Variants in SOX6 observed in about 807,000 individuals in gnomAD.
SOX6 encodes the protein transcription factor SOX-6.
Under a neutral mutation model 97.8 loss-of-function variants are expected in SOX6, and 11 were observed. The observed-to-expected ratio is 0.11, with a 90% CI of 0.07 to 0.19. SOX6 has a LOEUF of 0.19. SOX6 is among the 10% of genes least tolerant of loss of function. The probability of loss-of-function intolerance (pLI) is 1.00; values close to 1 mark genes in which losing one functional copy is unlikely to be tolerated. For synonymous variants in SOX6, 360 were observed against 371.4 expected (o/e 0.97, Z 0.35); for missense variants, 810 against 1,039.5 (o/e 0.78, Z 3.04).
At chr11:16,529,321 A>G (rs944257876) in intron 4 of SOX6, among the ~76,000 whole-genome samples, 2 of 152,132 alleles carry the variant, frequency 1.3e-5, no homozygotes, top group Non-Finnish European at 2.9e-5. Context: ...CCTCCAAGCC[A>G]GATAGCCAGA....
chr11:16,188,242 A>G (rs1006130307), intron 4 of SOX6, among the ~76,000 whole-genome samples: 4 of 151,608 alleles, frequency 2.6e-5, no homozygotes, highest in African/African-American at 9.7e-5. Context: ...AAAAAAAAAA[A>G]AAAAGAAAAG....
chr11:16,501,281 C>T (rs1860702104), intron 4 of SOX6, among the ~76,000 whole-genome samples: 1 of 152,170 alleles, frequency 6.6e-6, no homozygotes, highest in African/African-American at 2.4e-5. Context: ...AACTGGATCC[C>T]TTCCTTACAC....
intron 2 of SOX6, among the ~76,000 whole-genome samples, chr11:16,340,447 A>G (rs531276198): frequency 6.6e-5 from 10 of 152,174 alleles, no homozygotes; most frequent in East Asian, 1.9e-4. Context: ...TGTGGTTTCT[A>G]CTTTTTGAGA....
intron 12 of SOX6, among the ~76,000 whole-genome samples, chr11:16,016,620 C>T (rs1456235843): frequency 6.6e-6 from 1 of 152,068 alleles, no homozygotes; most frequent in Non-Finnish European, 1.5e-5. Context: ...GTGGGAGCTT[C>T]AGACGCAGTC....
At chr11:16,142,869 G>A (rs1020132062) in intron 6 of SOX6, among the ~76,000 whole-genome samples, 22 of 152,118 alleles carry the variant, frequency 1.4e-4, no homozygotes, top group South Asian at 1.0e-3. Context: ...GCAAATCTAC[G>A]TCTGATTGGT....
chr11:16,328,241 G>A (rs575433925), intron 2 of SOX6, among the ~76,000 whole-genome samples: 3 of 152,012 alleles, frequency 2.0e-5, no homozygotes, highest in South Asian at 2.1e-4. Context: ...TTCCTAAGAC[G>A]TTCTATGGTT....
At chr11:16,720,669 T>G (rs1848254073) in intron 2 of SOX6, among the ~76,000 whole-genome samples, 1 of 147,222 alleles carries the variant, frequency 6.8e-6, no homozygotes, top group Admixed American at 7.0e-5. Flanking sequence ...ATTGTGCACA[T>G]GTACCCTAAA....
rs1030778697 is a variant in SOX6, at chr11:16,731,947, T to A, written n.353+4392A>T. The stretch of plus-strand genomic sequence containing the variant: ...AATCACAAGCATTCCTATACACCAA[T>A]AATAGACAGAGAGCCAAATCATGAG... On this transcript the variant is annotated intron_variant and non_coding_transcript_variant, in intron 2 of 5. Coordinates refer to the SOX6 transcript ENST00000524520. Among the ~76,000 whole-genome samples the A allele has an allele frequency of 2.0e-5, 3 of 151,708 alleles. No individual in the cohort carries two copies. The East Asian group carries it at 5.8e-4, about 29-fold the overall frequency.
At chr11:16,136,304 T>C (rs893875136) in intron 6 of SOX6, among the ~76,000 whole-genome samples, 5 of 151,406 alleles carry the variant, frequency 3.3e-5, no homozygotes, top group African/African-American at 9.7e-5. Context: ...TTTAGCAATA[T>C]AGTATTTTTG....
chr11:16,501,052 T>C (rs140223098), intron 4 of SOX6, among the ~76,000 whole-genome samples: 6,714 of 152,248 alleles, frequency 0.044, 239 homozygotes, highest in Middle Eastern at 0.11. Context: ...CTACCTGACT[T>C]CAAACTATAC....
In SOX6 at chr11:16,149,040, TG is replaced by T. The variant is rs1338317386; in HGVS notation, c.777+34845del. The stretch of plus-strand genomic sequence containing the variant: ...GAAAGTCATTTTGTTGGTTAAAGTT[TG>T]TCAGCTCCCTCTCAAAAATGCCCCT... On this transcript the variant is annotated intron_variant, in intron 6 of 15. Transcript: ENST00000683767. Among the ~76,000 whole-genome samples, 40 of 152,162 alleles carry T rather than the reference TG, an allele frequency of 2.6e-4. 1 individual carries two copies. The highest frequency in any genetic ancestry group is 2.6e-3 in the Admixed American group (40 of 15,260).
In SOX6 at chr11:16,542,013, A is replaced by G. The variant is rs925868546; in HGVS notation, n.610-65625T>C. 7.2e-5 allele frequency among the ~76,000 whole-genome samples: 11 copies of G among 152,210 alleles called. No individual in the cohort carries two copies. In the East Asian group the frequency reaches 1.2e-3, roughly 16 times the overall value. On this transcript the variant is annotated intron_variant and non_coding_transcript_variant, in intron 4 of 5. Coordinates refer to the SOX6 transcript ENST00000524520. Reference sequence around the variant, plus strand: ...CATGCTACTATTAAGACACATGCACATGTATGTTTATTGTGGCACTATTCA... The same window carrying G: ...CATGCTACTATTAAGACACATGCACGTGTATGTTTATTGTGGCACTATTCA...
At chr11:16,098,997 T>A (rs1848871967) in intron 7 of SOX6, among the ~76,000 whole-genome samples, 1 of 151,492 alleles carries the variant, frequency 6.6e-6, no homozygotes, top group African/African-American at 2.4e-5. Context: ...TTTTAACAAA[T>A]TGTTAGCTTC....
chr11:16,711,770 A>G (rs4360679), intron 3 of SOX6, among the ~76,000 whole-genome samples: 150,796 of 152,098 alleles, frequency 0.99, 74,762 homozygotes, highest in East Asian at 1. Context: ...TTGGTTACAT[A>G]GGAAAGTTCT....
chr11:16,439,403 T>C (rs559173598), intron 1 of SOX6, among the ~76,000 whole-genome samples: 2 of 152,316 alleles, frequency 1.3e-5, no homozygotes, highest in African/African-American at 2.4e-5. Flanking sequence ...ATTTATCAAC[T>C]GCTCACTAAA....
At chr11:16,275,622 C>A (rs1565063945) in intron 3 of SOX6, among the ~76,000 whole-genome samples, 1 of 152,148 alleles carries the variant, frequency 6.6e-6, no homozygotes, top group Non-Finnish European at 1.5e-5. Context: ...ATACAAAGGG[C>A]CTATTTGATA....
intron 6 of SOX6, among the ~76,000 whole-genome samples, chr11:16,166,823 T>C (rs146176230): frequency 6.6e-6 from 1 of 152,276 alleles, no homozygotes; most frequent in Non-Finnish European, 1.5e-5. Context: ...AAAAACATTA[T>C]GACAACTGAT....
At chr11:16,597,296 T>TTATATG (rs1410901326) in intron 4 of SOX6, among the ~76,000 whole-genome samples, 1 of 150,462 alleles carries the variant, frequency 6.6e-6, no homozygotes, top group African/African-American at 2.5e-5. Flanking sequence ...TTCTACCCAC[T>TTATATG]TATATGTATA....
chr11:16,034,691 T>C (rs376770458), intron 12 of SOX6, among the ~76,000 whole-genome samples: 1 of 152,078 alleles, frequency 6.6e-6, no homozygotes, highest in East Asian at 1.9e-4. Flanking sequence ...GTAGAACACA[T>C]ACACGAAGAC....
Sources: allele counts gnomAD v4.1 joint callset (sites outside exome capture counted in the v4.1 genomes callset), GRCh38; gene constraint gnomAD v4.1.1; transcripts MANE v1.5; gene names NCBI Gene and HGNC (gene_info 2026-07-23, HGNC 2026-07-21).